The following BTBD6 variants were observed in gnomAD, a reference collection of about 807,000 sequenced individuals.
The protein encoded by BTBD6 is BTB/POZ domain-containing protein 6.
Under a neutral mutation model 40.6 loss-of-function variants are expected in BTBD6, and 30 were observed. The observed-to-expected ratio is 0.74, with a 90% CI of 0.55 to 1.00. The LOEUF is 1.00. Among genes scored for constraint, BTBD6 ranks in the 50% least tolerant of loss-of-function variants. The pLI, the probability that BTBD6 is intolerant of heterozygous loss-of-function variation, is 0.00. For missense variants in BTBD6, 698 were observed against 694.6 expected (o/e 1.00, Z -0.06); for synonymous variants, 378 against 308.7 (o/e 1.22, Z -2.35).
chr14:105,249,322 G>A (rs2055423875), intron 2 of BTBD6, 38 bp from the exon 3 acceptor site: 5 of 1,596,996 alleles, frequency 3.1e-6, no homozygotes, highest in African/African-American at 1.3e-5. Context: ...CGCAGCCTGC[G>A]GGAGAGCCAG....
At chr14:105,249,519 T>C in intron 3 of BTBD6, 41 bp downstream of exon 3, 2 of 1,608,932 alleles carry the variant, frequency 1.2e-6, no homozygotes, top group African/African-American at 1.3e-5. Context: ...GGGTCCGTTT[T>C]AGGCGGCCTC....
Position 105,250,791 on chromosome 14 carries a change from G to T in BTBD6, c.*119G>T. On this transcript the variant is annotated 3_prime_UTR_variant, in exon 4 of 4. Coordinates refer to ENST00000392554, the MANE Select transcript of BTBD6 (RefSeq NM_001387567.1). ...TTTGTCTCTCTTTGACATGTAGTCA[G>T]CTGAAGCTTGACTGTGTAGAGACAT... The T allele has an allele frequency of 9.2e-7, 1 of 1,084,332 alleles. No homozygotes were observed. Among genetic ancestry groups the T allele is most frequent in the Non-Finnish European group, 1.3e-6 (1 of 760,242 alleles). The allele number at this position is 1,084,332 out of a possible 1,614,324, so 67.2% of individuals were successfully genotyped here. A position where few individuals can be genotyped will look rare whatever the true frequency, so the allele number is the denominator to read the frequency against.
At position 105,250,119 on chromosome 14, in the gene BTBD6, T is replaced by A; in HGVS notation, c.1064T>A (p.Ile355Asn). Residue 355 changes from isoleucine (I) to asparagine (N), a missense_variant, in exon 4 of 4, where the codon ATC becomes AAC. Coordinates refer to ENST00000392554, the MANE Select transcript of BTBD6 (RefSeq NM_001387567.1). ...GCCAACGGCGCTGCCCAGTCAGACA[T>A]CCTGACTCTGGAGGAGACCCACAGC... ...EFANGAAQSDILTLEETHSIF... is the reference protein window; with the variant it reads ...EFANGAAQSDNLTLEETHSIF... The A allele has an allele frequency of 6.2e-7, 1 of 1,612,932 alleles. No individual in the cohort carries two copies. The highest frequency in any genetic ancestry group is 8.5e-7 in the Non-Finnish European group (1 of 1,180,024).
In BTBD6 at chr14:105,248,729, C is replaced by T; in HGVS notation, c.18C>T (p.Ala6=). 1.0e-6 allele frequency: 1 copy of T among 981,982 alleles called. No homozygotes were observed. The highest frequency in any genetic ancestry group is 1.2e-6 in the Non-Finnish European group (1 of 829,156). The allele number at this position is 981,982 out of a possible 1,614,324, so 60.8% of individuals were successfully genotyped here. MLLPL[A]CLHGRVAQCL... Reference sequence around the variant, plus strand: ...CGCCGCCCATGCTGCTGCCCCTAGCCTGCCTGCACGGCCGCGTCGCTCAGT... The same window carrying T: ...CGCCGCCCATGCTGCTGCCCCTAGCTTGCCTGCACGGCCGCGTCGCTCAGT... Residue 6 remains alanine, a synonymous_variant, in exon 1 of 4, where the codon GCC becomes GCT. Coordinates refer to ENST00000392554, the MANE Select transcript of BTBD6 (RefSeq NM_001387567.1).
In BTBD6 at chr14:105,249,008, G is replaced by C. The variant is rs897578245; in HGVS notation, c.297G>C (p.Ala99=). 4.0e-5 allele frequency: 43 copies of C among 1,070,938 alleles called. No individual in the cohort carries two copies. In the African/African-American group the frequency reaches 7.3e-4, roughly 18 times the overall value. The allele number at this position is 1,070,938 out of a possible 1,614,324, so 66.3% of individuals were successfully genotyped here. ...CCGCGCCAGCGCCGCCGCCGCCCGC[G>C]CCCGCGCCGCCCACACTCGGCAACA... ...SAPAPAPPPP[A]PAPPTLGNNH... Residue 99 remains alanine, a synonymous_variant, in exon 1 of 4, where the codon GCG becomes GCC. Coordinates refer to ENST00000392554, the MANE Select transcript of BTBD6 (RefSeq NM_001387567.1).
chr14:105,249,017 G>C lies in BTBD6; in HGVS notation c.306G>C (p.Pro102=). 2.7e-6 allele frequency: 3 copies of C among 1,129,204 alleles called. No homozygotes were observed. Among genetic ancestry groups the C allele is most frequent in the Non-Finnish European group, 3.2e-6 (3 of 924,388 alleles). The allele number at this position is 1,129,204 out of a possible 1,614,324, so 69.9% of individuals were successfully genotyped here. Residue 102 remains proline, a synonymous_variant, in exon 1 of 4, where the codon CCG becomes CCC. Coordinates refer to ENST00000392554, the MANE Select transcript of BTBD6 (RefSeq NM_001387567.1). The part of the protein sequence containing the change: ...APAPPPPAPA[P]PTLGNNHQES... ...CGCCGCCGCCGCCCGCGCCCGCGCC[G>C]CCCACACTCGGCAACAACCACCAGG...
chr14:105,250,101 G>A lies in BTBD6; in HGVS notation c.1046G>A (p.Gly349Asp). 5 of 1,612,984 alleles carry A rather than the reference G, an allele frequency of 3.1e-6. No individual in the cohort carries two copies. The highest frequency in any genetic ancestry group is 4.2e-6 in the Non-Finnish European group (5 of 1,180,036). ...ATGACCCTAGAGGAGTTTGCCAACG[G>A]CGCTGCCCAGTCAGACATCCTGACT... ...PTMTLEEFAN[G>D]AAQSDILTLE... Residue 349 changes from glycine to aspartate, a missense_variant, in exon 4 of 4, where the codon GGC (glycine) becomes GAC (aspartate). Coordinates refer to ENST00000392554, the MANE Select transcript of BTBD6 (RefSeq NM_001387567.1).
Position 105,249,850 on chromosome 14 carries a change from C to T in BTBD6, c.795C>T (p.Asp265=), listed in dbSNP as rs147665481. The T allele has an allele frequency of 7.4e-5, 119 of 1,613,054 alleles. No homozygotes were observed. In the African/African-American group the frequency reaches 1.5e-3, roughly 20 times the overall value. ...ELTQRCWEVI[D]AQAEMALRSE... ...CGCAGCGCTGCTGGGAGGTCATTGACGCACAGGCCGAGATGGCCCTACGGT... is the reference window on the plus strand; with the variant it reads ...CGCAGCGCTGCTGGGAGGTCATTGATGCACAGGCCGAGATGGCCCTACGGT... Residue 265 remains aspartate (D), a synonymous_variant, in exon 4 of 4, where the codon GAC becomes GAT. Transcript: ENST00000392554.
In BTBD6 at chr14:105,249,468, A is replaced by G; in HGVS notation, c.574A>G (p.Ile192Val). The G allele has an allele frequency of 6.2e-7, 1 of 1,613,138 alleles. No homozygotes were observed. Among genetic ancestry groups the G allele is most frequent in the Non-Finnish European group, 8.5e-7 (1 of 1,179,920 alleles). The change falls in exon 3 of 4, where the codon ATC (isoleucine) becomes GTC (valine). Residue 192 changes from isoleucine (I) to valine (V), a missense_variant. Physicochemically the swap from Ile to Val is conservative, Grantham distance 29. Coordinates refer to ENST00000392554, the MANE Select transcript of BTBD6 (RefSeq NM_001387567.1). Reference protein sequence around the residue: ...IPDVEPAAFLILLKYMYSDEI... With the variant: ...IPDVEPAAFLVLLKYMYSDEI... ...AGACGTGGAGCCCGCAGCCTTTCTG[A>G]TCCTCTTAAAGTAAGTCCACTCTAC... is the stretch of plus-strand genomic sequence containing the variant.
Position 105,250,609 on chromosome 14 carries a change from G to A in BTBD6, c.1554G>A (p.Ser518=), listed in dbSNP as rs143014258. The change falls in exon 4 of 4, where the codon TCG becomes TCA. Residue 518 remains serine, a synonymous_variant. Coordinates refer to ENST00000392554, the MANE Select transcript of BTBD6 (RefSeq NM_001387567.1). ...TGGCCTTCCAGTTCCAGTGCTCCTC[G>A]GACAGCACCAACGGGACTGGGGTCC... is the stretch of plus-strand genomic sequence containing the variant. The part of the protein sequence containing the change: ...GKVAFQFQCS[S]DSTNGTGVQG... 46 of 1,613,846 alleles carry A rather than the reference G, an allele frequency of 2.9e-5. No individual in the cohort carries two copies. In the African/African-American group the frequency reaches 4.4e-4, roughly 15 times the overall value.
At position 105,251,058 on chromosome 14, in the gene BTBD6, AG is replaced by A. The variant is rs2055578604; in HGVS notation, c.*387del. ...AAATTGGCAAAAAGTCACTTAAAAT[AG>A]TGGACTTCTGTAATAAAGGTTGCCT... is the stretch of plus-strand genomic sequence containing the variant. On this transcript the variant is annotated 3_prime_UTR_variant, in exon 4 of 4. Coordinates refer to ENST00000392554, the MANE Select transcript of BTBD6 (RefSeq NM_001387567.1). 8.7e-6 allele frequency: 2 copies of A among 228,780 alleles called. No individual in the cohort carries two copies. The highest frequency in any genetic ancestry group is 1.9e-5 in the Non-Finnish European group (2 of 105,942). The allele number at this position is 228,780 out of a possible 1,614,324, so 14.2% of individuals were successfully genotyped here.
In BTBD6 at chr14:105,250,276, C is replaced by T. The variant is rs751141394; in HGVS notation, c.1221C>T (p.Arg407=). Residue 407 remains arginine, a synonymous_variant, in exon 4 of 4, where the codon CGC becomes CGT. Coordinates refer to ENST00000392554, the MANE Select transcript of BTBD6 (RefSeq NM_001387567.1). ...ACCGCAGCAACCAGTGGCGGTACCG[C>T]GGGCGCTGCGACAGCATCCAGTTTG... The part of the protein sequence containing the change: ...SAYRSNQWRY[R]GRCDSIQFAV... 3.0e-5 allele frequency: 48 copies of T among 1,612,994 alleles called. No homozygotes were observed. The highest frequency in any genetic ancestry group is 1.1e-4 in the East Asian group (5 of 44,898).
chr14:105,250,233 G>A lies in BTBD6; in HGVS notation c.1178G>A (p.Arg393Gln), dbSNP rs1272881375. ...RKGLAPQRCHRFQSSAYRSNQ... is the reference protein window; with the variant it reads ...RKGLAPQRCHQFQSSAYRSNQ... ...GGCCTCGCCCCGCAGAGGTGCCACC[G>A]ATTCCAGTCTTCTGCCTACCGCAGC... Residue 393 changes from arginine to glutamine, a missense_variant, in exon 4 of 4, where the codon CGA becomes CAA. Coordinates refer to ENST00000392554, the MANE Select transcript of BTBD6 (RefSeq NM_001387567.1). 1.9e-6 allele frequency: 3 copies of A among 1,612,910 alleles called. No homozygotes were observed. The highest frequency in any genetic ancestry group is 1.7e-6 in the Non-Finnish European group (2 of 1,180,036).
rs1244120804 is a variant in BTBD6 at position 105,248,784 on chromosome 14, C to G, written c.73C>G (p.Pro25Ala). ...CLTSLLLLAEPLPRPRRGARA... is the reference protein window; with the variant it reads ...CLTSLLLLAEALPRPRRGARA... The stretch of plus-strand genomic sequence containing the variant: ...GACCTCCTTGCTTTTGCTTGCAGAG[C>G]CGCTCCCGAGGCCCCGGCGCGGCGC... Residue 25 changes from proline (P) to alanine (A), a missense_variant, in exon 1 of 4, where the codon CCG (proline) becomes GCG (alanine). By Grantham distance (27) the Pro-to-Ala change is conservative. Coordinates refer to ENST00000392554, the MANE Select transcript of BTBD6 (RefSeq NM_001387567.1). 2 of 982,372 alleles carry G rather than the reference C, an allele frequency of 2.0e-6. No homozygotes were observed. Among genetic ancestry groups the G allele is most frequent in the East Asian group, 2.3e-4 (2 of 8,818 alleles). The allele number at this position is 982,372 out of a possible 1,614,324, so 60.9% of individuals were successfully genotyped here. A position where few individuals can be genotyped will look rare whatever the true frequency, so the allele number is the denominator to read the frequency against.
Position 105,249,348 on chromosome 14 carries a change from T to C in BTBD6, c.466-12T>C. On this transcript the variant is annotated splice_polypyrimidine_tract_variant and intron_variant, in intron 2 of 3. Transcript: ENST00000392554. ...GGAGAGCCAGGCTCACGGCGGCGCTTTCTCCTCCCAGTACGTCTTGGCTGT... is the reference window on the plus strand; with the variant it reads ...GGAGAGCCAGGCTCACGGCGGCGCTCTCTCCTCCCAGTACGTCTTGGCTGT... 1.2e-5 allele frequency: 20 copies of C among 1,608,452 alleles called. No homozygotes were observed. The highest frequency in any genetic ancestry group is 1.7e-5 in the Non-Finnish European group (20 of 1,178,020).
At position 105,249,938 on chromosome 14, in the gene BTBD6, A is replaced by T. The variant is rs1389175211; in HGVS notation, c.883A>T (p.Asn295Tyr). ...LEIIVTREAL[N>Y]TKEAVVFEAV... ...GATCATTGTCACTCGGGAGGCCCTC[A>T]ACACCAAAGAGGCGGTGGTCTTCGA... The change falls in exon 4 of 4, where the codon AAC becomes TAC. Residue 295 changes from asparagine to tyrosine, a missense_variant. Asn to Tyr is a moderately radical substitution (Grantham distance 143). Transcript: ENST00000392554. 1 of 1,611,858 alleles carries T rather than the reference A, an allele frequency of 6.2e-7. No individual in the cohort carries two copies. Among genetic ancestry groups the T allele is most frequent in the East Asian group, 2.2e-5 (1 of 44,886 alleles).
At position 105,250,751 on chromosome 14, in the gene BTBD6, A is replaced by G; in HGVS notation, c.*79A>G. 7.1e-7 allele frequency: 1 copy of G among 1,403,722 alleles called. No homozygotes were observed. Among genetic ancestry groups the G allele is most frequent in the Non-Finnish European group, 9.7e-7 (1 of 1,028,174 alleles). 87.0% of individuals were successfully genotyped at this position (1,403,722 alleles called of 1,614,324 possible). On this transcript the variant is annotated 3_prime_UTR_variant, in exon 4 of 4. Transcript: ENST00000392554. Reference sequence around the variant, plus strand: ...TGCTAACTGCTTCTTGACACCATGAAAGGCTGCTCTTAACTTTGTCTCTCT... The same window carrying G: ...TGCTAACTGCTTCTTGACACCATGAGAGGCTGCTCTTAACTTTGTCTCTCT...
In BTBD6 at chr14:105,249,226, C is replaced by G. The variant is rs775388188; in HGVS notation, c.444C>G (p.Thr148=). 6.3e-7 allele frequency: 1 copy of G among 1,585,912 alleles called. No homozygotes were observed. Among genetic ancestry groups the G allele is most frequent in the South Asian group, 1.1e-5 (1 of 88,986 alleles). Residue 148 remains threonine (T), a synonymous_variant, in exon 2 of 4, where the codon ACC becomes ACG. Coordinates refer to ENST00000392554, the MANE Select transcript of BTBD6 (RefSeq NM_001387567.1). ...VHFVVGPPGA[T]RTVPAHKYVL... ...TCGTCGTGGGGCCCCCGGGGGCGAC[C>G]AGGACGGTGCCCGCCCACAAGGTGG... is the stretch of plus-strand genomic sequence containing the variant.
intron 3 of BTBD6, 67 bp from the exon 4 acceptor site, chr14:105,249,573 C>G: frequency 2.5e-6 from 4 of 1,586,168 alleles, no homozygotes; most frequent in Non-Finnish European, 3.4e-6. Flanking sequence ...ATGGACTCCT[C>G]TCCCAGGCCC....
Sources: allele counts gnomAD v4.1 joint callset, GRCh38; gene constraint gnomAD v4.1.1; transcripts MANE v1.5; gene names NCBI Gene and HGNC (gene_info 2026-07-23, HGNC 2026-07-21).